NRCAM: variants seen among roughly 807,000 people sequenced by gnomAD.
The protein encoded by NRCAM is neuronal cell adhesion molecule.
A neutral mutation model predicts 156.5 loss-of-function variants in NRCAM; 83 were observed. The ratio of observed to expected loss-of-function variants is 0.53; its 90% CI spans 0.44 to 0.64. NRCAM has a LOEUF of 0.64. NRCAM is among the 30% of genes least tolerant of loss of function. The pLI is 0.00. For synonymous variants in NRCAM, 538 were observed against 563.9 expected (o/e 0.95, Z 0.65); for missense variants, 1,417 against 1,597.3 (o/e 0.89, Z 1.92).
chr7:108,418,438 TG>T (rs759880940), intron 1 of NRCAM, among the ~76,000 whole-genome samples: 54 of 152,096 alleles, frequency 3.6e-4, no homozygotes, highest in Non-Finnish European at 8.8e-5. Flanking sequence ...TAATAATAGA[TG>T]GGACAAACGA....
intron 3 of NRCAM, among the ~76,000 whole-genome samples, chr7:108,266,199 A>G (rs2097096778): frequency 1.3e-5 from 2 of 152,230 alleles, no homozygotes; most frequent in Admixed American, 6.5e-5. Flanking sequence ...AAGCAGTGAG[A>G]TAACAGATAA....
chr7:108,152,190 T>C (rs540658027), intron 32 of NRCAM, among the ~76,000 whole-genome samples: 4 of 152,270 alleles, frequency 2.6e-5, no homozygotes, highest in African/African-American at 9.6e-5. Context: ...GAGTAAAGAC[T>C]GCAGAAGGTG....
At chr7:108,236,922 G>A (rs2095081510) in intron 5 of NRCAM, among the ~76,000 whole-genome samples, 1 of 152,112 alleles carries the variant, frequency 6.6e-6, no homozygotes, top group African/African-American at 2.4e-5. Flanking sequence ...TTCAGAGGCA[G>A]AGCTTCTATT....
At chr7:108,439,291 G>C (rs1835785268) in intron 1 of NRCAM, among the ~76,000 whole-genome samples, 1 of 152,062 alleles carries the variant, frequency 6.6e-6, no homozygotes, top group Non-Finnish European at 1.5e-5. Flanking sequence ...TATCAAGAAA[G>C]TAAAAAGACA....
chr7:108,205,562 A>G (rs1334033176), intron 13 of NRCAM, among the ~76,000 whole-genome samples: 1 of 152,170 alleles, frequency 6.6e-6, no homozygotes, highest in Non-Finnish European at 1.5e-5. Context: ...TCCCTGCTGA[A>G]GGGCTAGATG....
At chr7:108,382,171 A>G (rs75653228) in intron 2 of NRCAM, among the ~76,000 whole-genome samples, 3,507 of 151,964 alleles carry the variant, frequency 0.023, 128 homozygotes, top group African/African-American at 0.077. Flanking sequence ...GAAGATCTGC[A>G]TCAGTTTTGC....
intron 2 of NRCAM, among the ~76,000 whole-genome samples, chr7:108,352,540 T>C (rs2099422887): frequency 6.6e-6 from 1 of 152,266 alleles, no homozygotes; most frequent in African/African-American, 2.4e-5. Context: ...GATTTACAAT[T>C]CTATGGAGGA....
chr7:108,180,205 G>C lies in NRCAM; in HGVS notation c.2851+18C>G. On this transcript the variant is annotated intron_variant, in intron 25 of 32. Coordinates refer to ENST00000379028, the MANE Select transcript of NRCAM (RefSeq NM_001037132.4). ...TGCCATATGTTCCTGAGATCTTAGA[G>C]ACACGTCCATTCCATACCTCCTTCT... 1 of 1,610,104 alleles carries C rather than the reference G, an allele frequency of 6.2e-7. No individual in the cohort carries two copies. Among genetic ancestry groups the C allele is most frequent in the Non-Finnish European group, 8.5e-7 (1 of 1,177,062 alleles).
At chr7:108,334,382 T>C (rs1292526672) in intron 2 of NRCAM, among the ~76,000 whole-genome samples, 1 of 152,224 alleles carries the variant, frequency 6.6e-6, no homozygotes, top group African/African-American at 2.4e-5. Flanking sequence ...GAATAAAATC[T>C]TTGGTCTCTT....
chr7:108,314,901 G>C (rs1041969524), intron 2 of NRCAM, among the ~76,000 whole-genome samples: 1 of 152,076 alleles, frequency 6.6e-6, no homozygotes, highest in Non-Finnish European at 1.5e-5. Flanking sequence ...AGATATTAGA[G>C]ATGTTTACTC....
intron 1 of NRCAM, among the ~76,000 whole-genome samples, chr7:108,404,010 T>C (rs2099800532): frequency 6.6e-6 from 1 of 152,196 alleles, no homozygotes; most frequent in African/African-American, 2.4e-5. Context: ...TTAGTTTTTC[T>C]GACTCCACCA....
intron 17 of NRCAM, among the ~76,000 whole-genome samples, chr7:108,192,434 A>C (rs1472985197): frequency 6.6e-6 from 1 of 152,110 alleles, no homozygotes; most frequent in Non-Finnish European, 1.5e-5. Flanking sequence ...AATAGAAATA[A>C]AGTGCACAGT....
chr7:108,413,215 T>C lies in NRCAM; in HGVS notation c.-331-13622A>G, dbSNP rs372586076. Among the ~76,000 whole-genome samples, 26 of 152,320 alleles carry C rather than the reference T, an allele frequency of 1.7e-4. No individual in the cohort carries two copies. In the South Asian group the frequency reaches 3.9e-3, roughly 23 times the overall value. On this transcript the variant is annotated intron_variant, in intron 1 of 32. Coordinates refer to ENST00000379028, the MANE Select transcript of NRCAM (RefSeq NM_001037132.4). ...TTCCTACCTTTCATCTTTTTGATAA[T>C]AGTCATTCTAACAGGTGTGAGGTGA...
At chr7:108,370,810 C>A (rs1383909555) in intron 2 of NRCAM, among the ~76,000 whole-genome samples, 1 of 152,066 alleles carries the variant, frequency 6.6e-6, no homozygotes, top group Non-Finnish European at 1.5e-5. Flanking sequence ...ACCCACATTC[C>A]CAGGCTTAAA....
At chr7:108,237,875 T>C in intron 4 of NRCAM, 106 bp from the exon 5 acceptor site, 1 of 781,044 alleles carries the variant, frequency 1.3e-6, no homozygotes, top group Non-Finnish European at 1.9e-6. Context: ...GGGCATCTTG[T>C]CTATTTGATT....
chr7:108,256,172 G>A (rs1231093424), intron 3 of NRCAM, among the ~76,000 whole-genome samples: 1 of 151,746 alleles, frequency 6.6e-6, no homozygotes, highest in African/African-American at 2.4e-5. Context: ...TGGTGGTTTT[G>A]TTGAATAGAA....
chr7:108,256,821 G>C (rs1158771918), intron 3 of NRCAM, among the ~76,000 whole-genome samples: 2 of 151,946 alleles, frequency 1.3e-5, no homozygotes, highest in African/African-American at 4.8e-5. Flanking sequence ...TTTGAGACCA[G>C]CCTGGCCAAC....
At chr7:108,447,423 G>A (rs200449131) in intron 1 of NRCAM, among the ~76,000 whole-genome samples, 1 of 151,714 alleles carries the variant, frequency 6.6e-6, no homozygotes, top group East Asian at 1.9e-4. Context: ...GCACCACCAT[G>A]CCTGGCTAAT....
At chr7:108,270,348 C>T (rs948802367) in intron 3 of NRCAM, among the ~76,000 whole-genome samples, 20 of 152,160 alleles carry the variant, frequency 1.3e-4, no homozygotes, top group African/African-American at 3.6e-4. Flanking sequence ...CAAGCACCCC[C>T]CTTCAAGGTT....
Sources: gnomAD v4.1 joint callset for allele counts (sites outside exome capture counted in the v4.1 genomes callset) on GRCh38, gnomAD v4.1.1 for gene constraint, MANE v1.5 for transcripts, NCBI Gene and HGNC (gene_info 2026-07-23, HGNC 2026-07-21) for gene names.